SMG5: variants seen among roughly 807,000 people sequenced by gnomAD.
The protein encoded by SMG5 is nonsense-mediated mRNA decay factor SMG5.
Under a neutral mutation model 122.9 loss-of-function variants are expected in SMG5, and 53 were observed. The ratio of observed to expected loss-of-function variants is 0.43; its 90% CI spans 0.35 to 0.54. The LOEUF is 0.54. Ranked by LOEUF, SMG5 falls within the 20% of genes least tolerant of loss-of-function variation. The pLI is 0.01. For synonymous variants in SMG5, 477 were observed against 490.2 expected, an observed-to-expected ratio of 0.97 and a Z score of 0.35; for missense variants, 1,153 against 1,285.6, an observed-to-expected ratio of 0.90 and a Z score of 1.58.
chr1:156,264,854 C>T (rs1255106491), intron 12 of SMG5, among the ~76,000 whole-genome samples: 3 of 151,962 alleles, frequency 2.0e-5, no homozygotes, highest in African/African-American at 7.3e-5. Context: ...GGCGAAACCC[C>T]GTCTCTACTA....
intron 7 of SMG5, among the ~76,000 whole-genome samples, chr1:156,271,726 AG>A (rs1281350443): frequency 4.1e-5 from 5 of 120,862 alleles, no homozygotes; most frequent in African/African-American, 1.5e-4. Context: ...CCAAGTAGCT[AG>A]GATTAGAGGC....
chr1:156,261,183 A>T, intron 14 of SMG5, 150 bp downstream of exon 14: 1 of 756,236 alleles, frequency 1.3e-6, no homozygotes, highest in Non-Finnish European at 2.3e-6. Flanking sequence ...AGAGGCCTAG[A>T]CCACACAATG....
chr1:156,268,258 A>G, intron 8 of SMG5, 32 bp downstream of exon 8: 1 of 1,614,162 alleles, frequency 6.2e-7, no homozygotes, highest in Non-Finnish European at 8.5e-7. Flanking sequence ...CAACTGCAGA[A>G]AAAACCCGTC....
chr1:156,284,828 C>T (rs1006565151), upstream of SMG5, among the ~76,000 whole-genome samples: 5 of 152,210 alleles, frequency 3.3e-5, no homozygotes, highest in Non-Finnish European at 7.3e-5. Flanking sequence ...CTAGACACCT[C>T]TTCTGCCTCC....
At chr1:156,279,081 CA>C in intron 1 of SMG5, 47 bp from the exon 2 acceptor site, 1 of 1,501,924 alleles carries the variant, frequency 6.7e-7, no homozygotes, top group Non-Finnish European at 9.3e-7. Flanking sequence ...ATGCATGGTC[CA>C]CAGAGGATGA....
chr1:156,252,989 G>A lies in SMG5; in HGVS notation c.2592C>T (p.Leu864=). Reference sequence around the variant, plus strand: ...GGCGGATGACAGGGAGATGGTGGCAGAGGGCCTGGGTGTCAGGGACGAGGT... The same window carrying A: ...GGCGGATGACAGGGAGATGGTGGCAAAGGGCCTGGGTGTCAGGGACGAGGT... ...SPYLVPDTQA[L]CHHLPVIRQL... is the part of the protein sequence containing the mutation. Residue 864 remains leucine (L), a synonymous_variant, in exon 18 of 22, where the codon CTC becomes CTT. Transcript: ENST00000361813. The A allele has an allele frequency of 6.2e-7, 1 of 1,613,354 alleles. No individual in the cohort carries two copies. The highest frequency in any genetic ancestry group is 8.5e-7 in the Non-Finnish European group (1 of 1,179,800).
At chr1:156,273,097 G>A (rs970816895) in intron 6 of SMG5, among the ~76,000 whole-genome samples, 1 of 152,140 alleles carries the variant, frequency 6.6e-6, no homozygotes, top group Non-Finnish European at 1.5e-5. Context: ...TTCTACAAGA[G>A]ACCTCAGGGA....
chr1:156,285,129 T>C, upstream of SMG5: 2 of 1,450,102 alleles, frequency 1.4e-6, no homozygotes, highest in Non-Finnish European at 1.8e-6. Context: ...TGTCAACCTG[T>C]CCTAATAACT....
intron 13 of SMG5, among the ~76,000 whole-genome samples, chr1:156,262,477 GAAA>G (rs1229479162): frequency 4.5e-5 from 3 of 67,004 alleles, no homozygotes; most frequent in African/African-American, 5.6e-5. Flanking sequence ...CTCCATCTCA[GAAA>G]AAAAAAAAAA....
rs115428559 is a variant in SMG5, at chr1:156,270,535, C to T, written c.713+1785G>A. On this transcript the variant is annotated intron_variant, in intron 7 of 21. Transcript: ENST00000361813. ...CTGAGCCCTGCCCAAATGTCTAACC[C>T]ATAAACCATGAGAGAGAATTGTTTT... 7.9e-3 allele frequency among the ~76,000 whole-genome samples: 1,203 copies of T among 152,342 alleles called. 16 individuals carry two copies. Among genetic ancestry groups the T allele is most frequent in the African/African-American group, 0.028 (1,172 of 41,572 alleles).
At chr1:156,252,392 G>C in intron 19 of SMG5, 22 bp downstream of exon 19, 1 of 1,611,576 alleles carries the variant, frequency 6.2e-7, no homozygotes, top group South Asian at 1.1e-5. Context: ...GCTCAGCACA[G>C]GTCCAGCCAG....
intron 7 of SMG5, among the ~76,000 whole-genome samples, chr1:156,268,877 C>T (rs550656382): frequency 7.9e-5 from 12 of 152,328 alleles, no homozygotes; most frequent in African/African-American, 2.9e-4. Flanking sequence ...ATATTGTCCA[C>T]ATTCACAGAT....
intron 16 of SMG5, chr1:156,253,909 G>A: frequency 1.1e-5 from 3 of 282,506 alleles, no homozygotes; most frequent in South Asian, 7.4e-5. Context: ...TTCCAAATCT[G>A]CAGATTCAGC....
intron 7 of SMG5, among the ~76,000 whole-genome samples, chr1:156,270,983 G>A (rs1296811099): frequency 6.6e-6 from 1 of 151,606 alleles, no homozygotes; most frequent in Non-Finnish European, 1.5e-5. Flanking sequence ...CTCCAGCCTG[G>A]GCAACAAGAG....
intron 1 of SMG5, 31 bp downstream of exon 1, chr1:156,282,576 G>GTGGCTGCTCTCACGCCC (rs1313681508): frequency 1.9e-6 from 3 of 1,592,862 alleles, no homozygotes; most frequent in Non-Finnish European, 2.6e-6. Flanking sequence ...ACTTCCCTCG[G>GTGGCTGCTCTCACGCCC]TGGCTGCTCT....
intron 17 of SMG5, 142 bp from the exon 18 acceptor site, chr1:156,253,220 G>C (rs909229832): frequency 9.4e-7 from 1 of 1,062,524 alleles, no homozygotes; most frequent in African/African-American, 1.6e-5. Flanking sequence ...TGGCTTTGGG[G>C]GAAAAGTAAA....
intron 12 of SMG5, among the ~76,000 whole-genome samples, chr1:156,265,313 A>T: frequency 6.6e-6 from 1 of 152,108 alleles, no homozygotes; most frequent in East Asian, 1.9e-4. Context: ...AGGTTAAATA[A>T]GACAACACCC....
At chr1:156,253,695 C>T in intron 16 of SMG5, 187 bp from the exon 17 acceptor site, 2 of 627,912 alleles carry the variant, frequency 3.2e-6, no homozygotes, top group Non-Finnish European at 5.8e-6. Context: ...CTCTGAACAA[C>T]TTCCATTACC....
chr1:156,269,862 G>A (rs1198094091), intron 7 of SMG5, among the ~76,000 whole-genome samples: 1 of 151,606 alleles, frequency 6.6e-6, no homozygotes, highest in African/African-American at 2.4e-5. Flanking sequence ...GCGACAGTGC[G>A]AGACTCCATC....
Sources: allele counts gnomAD v4.1 joint callset (sites outside exome capture counted in the v4.1 genomes callset), GRCh38; gene constraint gnomAD v4.1.1; transcripts MANE v1.5; gene names NCBI Gene and HGNC (gene_info 2026-07-23, HGNC 2026-07-21).